The following EIF4G1 variants were observed in gnomAD, a reference collection of about 807,000 sequenced individuals.
EIF4G1 encodes eukaryotic translation initiation factor 4 gamma 1, also known as EIF4-gamma.
A neutral mutation model predicts 187.8 loss-of-function variants in EIF4G1; 4 were observed. That is an observed-to-expected ratio of 0.02 (90% CI 0.01 to 0.05). EIF4G1 has a LOEUF of 0.05. Among genes scored for constraint, EIF4G1 ranks in the 10% least tolerant of loss-of-function variants. The probability of loss-of-function intolerance (pLI) is 1.00; values close to 1 mark genes in which losing one functional copy is unlikely to be tolerated. For missense variants in EIF4G1, 1,647 were observed against 2,081.1 expected (o/e 0.79, Z 4.06); for synonymous variants, 844 against 781.4 (o/e 1.08, Z -1.34).
Position 184,325,055 on chromosome 3 carries a change from G to C in EIF4G1, c.2797G>C (p.Glu933Gln). ...LLKNHDEESL[E>Q]CLCRLLTTIG... Reference sequence around the variant, plus strand: ...TAAGAACCATGATGAAGAGTCCCTTGAGTGCCTTTGTCGTCTGCTCACCAC... The same window carrying C: ...TAAGAACCATGATGAAGAGTCCCTTCAGTGCCTTTGTCGTCTGCTCACCAC... Residue 933 changes from glutamate (E) to glutamine (Q), a missense_variant, in exon 18 of 33, where the codon GAG (glutamate) becomes CAG (glutamine). By Grantham distance (29) the Glu-to-Gln change is conservative. This residue lies in a region of EIF4G1 where 142 missense variants were observed against 296.6 expected (regional missense o/e 0.48). Transcript: ENST00000346169. The surrounding 1 kb of genome is among the most constrained non-coding windows in gnomAD (Gnocchi z 5.2). The C allele has an allele frequency of 6.2e-7, 1 of 1,614,204 alleles. No individual in the cohort carries two copies. Among genetic ancestry groups the C allele is most frequent in the Non-Finnish European group, 8.5e-7 (1 of 1,180,042 alleles).
rs1420538593 is a variant in EIF4G1 at position 184,325,984 on chromosome 3, T to C, written c.3222+33T>C. The C allele has an allele frequency of 6.2e-7, 1 of 1,606,114 alleles. No individual in the cohort carries two copies. Among genetic ancestry groups the C allele is most frequent in the African/African-American group, 1.3e-5 (1 of 74,716 alleles). ...TGTGTGTGGGAGTGGGTGATTCAGC[T>C]CAGGTTTAGATCTTAGTCCCTTCAC... On this transcript the variant is annotated intron_variant, in intron 21 of 32. Transcript: ENST00000346169. This position sits in a 1 kb window ranked among gnomAD's most constrained non-coding sequence, Gnocchi z 5.2.
chr3:184,332,917 C>T (rs868152444), intron 32 of EIF4G1, among the ~76,000 whole-genome samples: 4 of 152,144 alleles, frequency 2.6e-5, no homozygotes, highest in African/African-American at 7.2e-5. Flanking sequence ...GGGCTTTAGC[C>T]TGGGGGCAAG....
rs564880447 is a variant in EIF4G1, at chr3:184,331,586, C to T, written c.4375C>T (p.Arg1459Trp). The T allele has an allele frequency of 2.4e-5, 33 of 1,399,930 alleles. No individual in the cohort carries two copies. Among genetic ancestry groups the T allele is most frequent in the Admixed American group, 2.1e-4 (10 of 47,582 alleles). 86.7% of individuals were successfully genotyped at this position (1,399,930 alleles called of 1,614,324 possible). A position where few individuals can be genotyped will look rare whatever the true frequency, so the allele number is the denominator to read the frequency against. ...KLLKEGSSNQ[R>W]VFDWIEANLS... ...GCTGAAGGAGGGCAGCAGTAACCAGCGGGTGTTCGACTGGATAGAGGTAGG... is the reference window on the plus strand; with the variant it reads ...GCTGAAGGAGGGCAGCAGTAACCAGTGGGTGTTCGACTGGATAGAGGTAGG... Residue 1459 changes from arginine (R) to tryptophan (W), a missense_variant, in exon 30 of 33, where the codon CGG (arginine) becomes TGG (tryptophan). Around this residue, in one of 11 missense-constraint regions of EIF4G1, gnomAD observed 543 missense variants for 638.0 expected, o/e 0.85. Transcript: ENST00000346169.
Position 184,324,949 on chromosome 3 carries a change from G to C in EIF4G1, c.2691G>C (p.Gly897=). 6.2e-7 allele frequency: 1 copy of C among 1,614,268 alleles called. No individual in the cohort carries two copies. ...ARDIARRRSL[G]NIKFIGELFK... ...ACATAGCCCGGCGGCGCTCTTTAGG[G>C]AATATCAAGTTTATTGGAGAGTTGT... is the stretch of plus-strand genomic sequence containing the variant. Residue 897 remains glycine, a synonymous_variant, in exon 18 of 33, where the codon GGG becomes GGC. Coordinates refer to ENST00000346169, the MANE Select transcript of EIF4G1 (RefSeq NM_198241.3).
At position 184,321,544 on chromosome 3, in the gene EIF4G1, C is replaced by G; in HGVS notation, c.960C>G (p.Leu320=). 1 of 1,614,218 alleles carries G rather than the reference C, an allele frequency of 6.2e-7. No homozygotes were observed. Among genetic ancestry groups the G allele is most frequent in the East Asian group, 2.2e-5 (1 of 44,888 alleles). ...PYRLSPEPTP[L]AEPILEVEVT... is the part of the protein sequence containing the mutation. ...GCCTCTCTCCAGAACCCACTCCTCT[C>G]GCCGAACCCATACTGGAAGTAGAAG... Residue 320 remains leucine, a synonymous_variant, in exon 10 of 33, where the codon CTC becomes CTG. Coordinates refer to ENST00000346169, the MANE Select transcript of EIF4G1 (RefSeq NM_198241.3).
chr3:184,325,693 A>G lies in EIF4G1; in HGVS notation c.3121+54A>G, dbSNP rs764581709. 5 of 1,613,922 alleles carry G rather than the reference A, an allele frequency of 3.1e-6. No individual in the cohort carries two copies. Among genetic ancestry groups the G allele is most frequent in the South Asian group, 2.2e-5 (2 of 91,056 alleles). On this transcript the variant is annotated intron_variant, in intron 20 of 32. Coordinates refer to ENST00000346169, the MANE Select transcript of EIF4G1 (RefSeq NM_198241.3). This position sits in a 1 kb window ranked among gnomAD's most constrained non-coding sequence, Gnocchi z 5.2. Reference sequence around the variant, plus strand: ...AGCAGTGAAGGGACCGGGAGGTTATACTTTCCTCTGATGACTTCCTGTTAG... The same window carrying G: ...AGCAGTGAAGGGACCGGGAGGTTATGCTTTCCTCTGATGACTTCCTGTTAG...
In EIF4G1 at chr3:184,316,132, C is replaced by A. The variant is rs746581193; in HGVS notation, c.61C>A (p.Pro21Thr). Residue 21 changes from proline (P) to threonine (T), a missense_variant and splice_region_variant, in exon 4 of 33, where the codon CCA becomes ACA. Around this residue, in one of 11 missense-constraint regions of EIF4G1, gnomAD observed 61 missense variants for 49.5 expected, o/e 1.23. Transcript: ENST00000346169. ...CTGAACTCTGGTCTCCCCTCTTCAG[C>A]CAGCGTTTCCCCCGGGGCAGACAGC... ...PPAPSPGLPQ[P>T]AFPPGQTAPV... 4 of 1,614,208 alleles carry A rather than the reference C, an allele frequency of 2.5e-6. No homozygotes were observed. In the South Asian group the frequency reaches 4.4e-5, roughly 18 times the overall value.
intron 21 of EIF4G1, among the ~76,000 whole-genome samples, chr3:184,326,194 A>G (rs1724868172): frequency 6.6e-6 from 1 of 152,078 alleles, no homozygotes; most frequent in Admixed American, 6.5e-5. Flanking sequence ...CCATTCATAC[A>G]TCCCAGGACC....
At chr3:184,326,052 G>A (rs1724828645) in intron 21 of EIF4G1, 101 bp downstream of exon 21, 5 of 1,286,356 alleles carry the variant, frequency 3.9e-6, no homozygotes, top group Non-Finnish European at 5.6e-6. Flanking sequence ...TTTCCTCTTA[G>A]ACTAACTGGT....
chr3:184,333,115 T>C (rs1311594409), intron 32 of EIF4G1, among the ~76,000 whole-genome samples: 2 of 151,766 alleles, frequency 1.3e-5, no homozygotes, highest in African/African-American at 4.8e-5. Flanking sequence ...ACTTAGGAAA[T>C]GGAGTTGGCA....
At chr3:184,324,659 A>C (rs1724527532) in intron 17 of EIF4G1, among the ~76,000 whole-genome samples, 1 of 152,018 alleles carries the variant, frequency 6.6e-6, no homozygotes, top group Non-Finnish European at 1.5e-5. Flanking sequence ...ACGGGGTTTT[A>C]CCATGTTGGC....
chr3:184,332,156 A>G (rs1726236778), intron 32 of EIF4G1, 70 bp downstream of exon 32: 3 of 1,594,480 alleles, frequency 1.9e-6, no homozygotes, highest in African/African-American at 1.3e-5. Flanking sequence ...GAGACCCTTC[A>G]TGGAAGGGTC....
At chr3:184,322,993 G>T (rs1645498100) in intron 13 of EIF4G1, 39 bp downstream of exon 13, 2 of 1,614,060 alleles carry the variant, frequency 1.2e-6, no homozygotes, top group South Asian at 2.2e-5. Flanking sequence ...ATAAGTTTGT[G>T]CTGGATGGAT....
rs530167757 is a variant in EIF4G1 at position 184,321,955 on chromosome 3, GGAAGAA to G, written c.1383_1388del (p.Glu464_Glu465del). 111 of 1,612,132 alleles carry G rather than the reference GGAAGAA, an allele frequency of 6.9e-5. No homozygotes were observed. The African/African-American group carries it at 1.0e-3, about 15-fold the overall frequency. On this transcript the variant is annotated inframe_deletion, in exon 10 of 33. Transcript: ENST00000346169. ...CTTCCCCAGCTCAGGAGGAGGAAAT[GGAAGAA>G]GAAGAAGAAGAGGAAGAAGGAGAAG...
At chr3:184,321,108 G>T in intron 9 of EIF4G1, 115 bp downstream of exon 9, 2 of 1,507,604 alleles carry the variant, frequency 1.3e-6, no homozygotes, top group Non-Finnish European at 1.8e-6. Flanking sequence ...TAGATTTCAG[G>T]TTGTGGGATT....
chr3:184,317,529 C>T (rs1285991803), intron 5 of EIF4G1, 32 bp downstream of exon 5: 1 of 1,613,086 alleles, frequency 6.2e-7, no homozygotes, highest in African/African-American at 1.3e-5. Context: ...CTAGAAGCCA[C>T]AGACCCCTAT....
Position 184,319,858 on chromosome 3 carries a change from G to A in EIF4G1, c.537+57G>A. The A allele has an allele frequency of 2.4e-6, 3 of 1,247,292 alleles. No individual in the cohort carries two copies. The East Asian group carries it at 7.4e-5, about 31-fold the overall frequency. 77.3% of individuals were successfully genotyped at this position (1,247,292 alleles called of 1,614,324 possible). A position where few individuals can be genotyped will look rare whatever the true frequency, so the allele number is the denominator to read the frequency against. ...GGGAAGGGGAGAATCAAGGTCAGGT[G>A]CTGCTGGGACATTGTGCCGGAAAGA... On this transcript the variant is annotated intron_variant, in intron 7 of 32. Coordinates refer to ENST00000346169, the MANE Select transcript of EIF4G1 (RefSeq NM_198241.3).
rs763347032 is a variant in EIF4G1 at position 184,334,755 on chromosome 3, G to A, written c.4647G>A (p.Leu1549=). ...TGCTGCGGATGTTCTTTGACGCACT[G>A]TATGACGAGGACGTGGTGAAGGAGG... The part of the protein sequence containing the change: ...PNLLRMFFDA[L]YDEDVVKEDA... The change falls in exon 33 of 33, where the codon CTG becomes CTA. Residue 1549 remains leucine, a synonymous_variant. Transcript: ENST00000346169. This position sits in a 1 kb window ranked among gnomAD's most constrained non-coding sequence, Gnocchi z 5.8. 8.1e-6 allele frequency: 13 copies of A among 1,614,216 alleles called. 1 individual carries two copies. In the South Asian group the frequency reaches 1.4e-4, roughly 18 times the overall value.
Position 184,326,573 on chromosome 3 carries a change from G to A in EIF4G1, c.3269G>A (p.Arg1090Gln). Residue 1090 changes from arginine (R) to glutamine (Q), a missense_variant, in exon 22 of 33, where the codon CGA (arginine) becomes CAA (glutamine). Coordinates refer to ENST00000346169, the MANE Select transcript of EIF4G1 (RefSeq NM_198241.3). ...AACCAGCTCTTTGCACCTGGAGGGC[G>A]ACTGAGCTGGGGCAAGGGCAGCAGC... ...SNNQLFAPGG[R>Q]LSWGKGSSGG... 1.2e-6 allele frequency: 2 copies of A among 1,613,332 alleles called. No homozygotes were observed. The highest frequency in any genetic ancestry group is 1.7e-6 in the Non-Finnish European group (2 of 1,180,038).
Sources: gnomAD v4.1 joint callset for allele counts (sites outside exome capture counted in the v4.1 genomes callset) on GRCh38, gnomAD v4.1.1 for gene constraint, gnomAD v4.1.1 regional missense constraint, Gnocchi (gnomAD v3.1) non-coding constraint, MANE v1.5 for transcripts, NCBI Gene and HGNC (gene_info 2026-07-23, HGNC 2026-07-21) for gene names.